Variants in ARHGAP24 observed in about 807,000 individuals in gnomAD.
ARHGAP24 encodes Rho GTPase activating protein 24.
Under a neutral mutation model 76.4 loss-of-function variants are expected in ARHGAP24, and 50 were observed. That is an observed-to-expected ratio of 0.65 (90% CI 0.52 to 0.83). ARHGAP24 has a LOEUF of 0.83. ARHGAP24 is among the 40% of genes least tolerant of loss of function. The probability of loss-of-function intolerance (pLI) is 0.00; values close to 1 mark genes in which losing one functional copy is unlikely to be tolerated. For missense variants in ARHGAP24, 930 were observed against 914.2 expected (o/e 1.02, Z -0.22); for synonymous variants, 345 against 323.3 (o/e 1.07, Z -0.72).
intron 2 of ARHGAP24, among the ~76,000 whole-genome samples, chr4:85,588,617 T>G (rs1340746149): frequency 6.6e-6 from 1 of 152,186 alleles, no homozygotes; most frequent in Non-Finnish European, 1.5e-5. Context: ...CATAAATTCA[T>G]TTTGGACGTG....
chr4:85,530,098 A>G (rs1725197671), intron 1 of ARHGAP24, among the ~76,000 whole-genome samples: 1 of 151,930 alleles, frequency 6.6e-6, no homozygotes. Flanking sequence ...TACAAAACAG[A>G]TGTACTCTTA....
chr4:85,647,907 T>C (rs1721782038), intron 2 of ARHGAP24, among the ~76,000 whole-genome samples: 1 of 152,180 alleles, frequency 6.6e-6, no homozygotes, highest in Non-Finnish European at 1.5e-5. Flanking sequence ...TCATTTTGTG[T>C]CTGTTTTCCC....
intron 3 of ARHGAP24, among the ~76,000 whole-genome samples, chr4:85,798,766 G>A (rs2110102267): frequency 6.6e-6 from 1 of 152,280 alleles, no homozygotes; most frequent in South Asian, 2.1e-4. Context: ...GTTAAAAATT[G>A]TAGCAAATTG....
chr4:85,601,483 T>C (rs1398569244), intron 2 of ARHGAP24, among the ~76,000 whole-genome samples: 2 of 152,182 alleles, frequency 1.3e-5, no homozygotes. Flanking sequence ...TATTTGCTAT[T>C]GGTGTGTCCT....
intron 8 of ARHGAP24, among the ~76,000 whole-genome samples, chr4:85,989,447 T>C (rs1257669210): frequency 1.3e-5 from 2 of 151,678 alleles, no homozygotes; most frequent in Admixed American, 6.6e-5. Flanking sequence ...TGGTGAATTC[T>C]AACAAACATG....
At chr4:85,800,731 T>C (rs1462585572) in intron 3 of ARHGAP24, among the ~76,000 whole-genome samples, 1 of 152,246 alleles carries the variant, frequency 6.6e-6, no homozygotes, top group Non-Finnish European at 1.5e-5. Flanking sequence ...ACAGTCTACA[T>C]TGAAACAATG....
chr4:85,730,055 A>T (rs58146546), intron 3 of ARHGAP24, among the ~76,000 whole-genome samples: 26,377 of 152,084 alleles, frequency 0.17, 2,927 homozygotes, highest in East Asian at 0.55. Flanking sequence ...TGATTCAGGA[A>T]CTATTTGCCA....
At chr4:85,596,910 A>AT (rs1719856770) in intron 2 of ARHGAP24, among the ~76,000 whole-genome samples, 1 of 152,070 alleles carries the variant, frequency 6.6e-6, no homozygotes, top group Non-Finnish European at 1.5e-5. Flanking sequence ...AGATATCATA[A>AT]TATTTTAAGT....
rs139104056 is a variant in ARHGAP24 at position 85,662,407 on chromosome 4, T to C, written c.181-59478T>C. The stretch of plus-strand genomic sequence containing the variant: ...AATTTGTTTGAGTTCATTGTAGATT[T>C]TGGATATTATCCCTTTGTCAGATGA... On this transcript the variant is annotated intron_variant, in intron 2 of 9. Transcript: ENST00000395184. Among the ~76,000 whole-genome samples, 305 of 150,712 alleles carry C rather than the reference T, an allele frequency of 2.0e-3. 5 individuals are homozygous for C. Among genetic ancestry groups the C allele is most frequent in the Middle Eastern group, 3.4e-3 (1 of 294 alleles).
At chr4:85,733,271 G>T (rs1553925942) in intron 3 of ARHGAP24, among the ~76,000 whole-genome samples, 1 of 147,830 alleles carries the variant, frequency 6.8e-6, no homozygotes, top group Non-Finnish European at 1.5e-5. Context: ...CACTGTGTTA[G>T]TCAGGATGGT....
chr4:85,782,157 A>G (rs1029628537), intron 3 of ARHGAP24, among the ~76,000 whole-genome samples: 2 of 152,174 alleles, frequency 1.3e-5, no homozygotes, highest in South Asian at 2.1e-4. Flanking sequence ...TGTTATTCCA[A>G]TTGAAACACC....
At chr4:85,915,225 G>T (rs1735312913) in intron 3 of ARHGAP24, among the ~76,000 whole-genome samples, 1 of 152,146 alleles carries the variant, frequency 6.6e-6, no homozygotes. Context: ...TCTTTGACAT[G>T]CTCAGCACAA....
At chr4:85,885,364 C>G (rs1733504930) in intron 3 of ARHGAP24, among the ~76,000 whole-genome samples, 1 of 151,966 alleles carries the variant, frequency 6.6e-6, no homozygotes, top group Non-Finnish European at 1.5e-5. Context: ...TTTAATTGTG[C>G]TTTTCAACTA....
Position 85,475,468 on chromosome 4 carries a change from T to G in ARHGAP24, c.-112T>G, listed in dbSNP as rs1037482700. On this transcript the variant is annotated 5_prime_UTR_variant, in exon 1 of 10. Coordinates refer to ENST00000395184, the MANE Select transcript of ARHGAP24 (RefSeq NM_001025616.3). ...AAGTAAAGGAGCCTCACTACCACCT[T>G]TTTTTCTTTGCGTTTTCTTACTGCT... is the stretch of plus-strand genomic sequence containing the variant. The G allele has an allele frequency of 6.5e-6, 1 of 152,676 alleles. No homozygotes were observed. Among genetic ancestry groups the G allele is most frequent in the African/African-American group, 2.4e-5 (1 of 41,390 alleles). 9.5% of individuals were successfully genotyped at this position (152,676 alleles called of 1,614,324 possible). A position where few individuals can be genotyped will look rare whatever the true frequency, so the allele number is the denominator to read the frequency against.
At chr4:85,525,889 G>A (rs897922673) in intron 1 of ARHGAP24, among the ~76,000 whole-genome samples, 5 of 152,056 alleles carry the variant, frequency 3.3e-5, no homozygotes, top group Admixed American at 6.6e-5. Flanking sequence ...TTAGAAGGTC[G>A]CCTTTTACTT....
chr4:85,640,730 G>A (rs1221747208), intron 2 of ARHGAP24, among the ~76,000 whole-genome samples: 2 of 152,030 alleles, frequency 1.3e-5, no homozygotes, highest in Non-Finnish European at 2.9e-5. Context: ...TATTTAATAT[G>A]TAATTATCTC....
intron 1 of ARHGAP24, among the ~76,000 whole-genome samples, chr4:85,515,542 A>T (rs1462028173): frequency 6.6e-6 from 1 of 151,828 alleles, no homozygotes; most frequent in Non-Finnish European, 1.5e-5. Flanking sequence ...GTAGGATGTT[A>T]TACACACTCA....
At chr4:85,721,819 T>A (rs1724953018) in intron 2 of ARHGAP24, 66 bp from the exon 3 acceptor site, 1 of 1,369,820 alleles carries the variant, frequency 7.3e-7, no homozygotes, top group Admixed American at 1.7e-5. Flanking sequence ...TATTCACTGA[T>A]TATAATGATG....
intron 3 of ARHGAP24, among the ~76,000 whole-genome samples, chr4:85,722,977 A>G (rs41477846): frequency 0.23 from 35,125 of 152,154 alleles, 4,397 homozygotes; most frequent in East Asian, 0.36. Context: ...GGAATCCATG[A>G]CTAAATGTGA....
Sources: allele counts gnomAD v4.1 joint callset (sites outside exome capture counted in the v4.1 genomes callset), GRCh38; gene constraint gnomAD v4.1.1; transcripts MANE v1.5; gene names NCBI Gene and HGNC (gene_info 2026-07-23, HGNC 2026-07-21).